The following TRAK2 variants were observed in gnomAD, a reference collection of about 807,000 sequenced individuals.
The protein encoded by TRAK2 is trafficking kinesin protein 2.
A neutral mutation model predicts 104.6 loss-of-function variants in TRAK2; 81 were observed. The observed-to-expected ratio is 0.77, with a 90% confidence interval of 0.65 to 0.93. The LOEUF is 0.93. Among genes scored for constraint, TRAK2 ranks in the 40% least tolerant of loss-of-function variants. TRAK2 has a pLI of 0.00. For synonymous variants in TRAK2, 406 were observed against 394.4 expected (o/e 1.03, Z -0.35); for missense variants, 1,002 against 1,089.0 (o/e 0.92, Z 1.12).
chr2:201,412,546 A>G (rs554118983), intron 2 of TRAK2: 9 of 1,256,614 alleles, frequency 7.2e-6, no homozygotes, highest in Admixed American at 3.4e-5. Flanking sequence ...TACAGCATAC[A>G]TAACAGTTCC....
At chr2:201,434,026 C>T (rs546285389) in intron 1 of TRAK2, among the ~76,000 whole-genome samples, 46 of 152,118 alleles carry the variant, frequency 3.0e-4, no homozygotes, top group African/African-American at 9.2e-4. Flanking sequence ...GGCGCTATCT[C>T]GGCTCACTGC....
chr2:201,449,746 A>C (rs1489708740), intron 1 of TRAK2, among the ~76,000 whole-genome samples: 3 of 151,842 alleles, frequency 2.0e-5, no homozygotes, highest in Non-Finnish European at 2.9e-5. Flanking sequence ...TCCGGGTTCA[A>C]GCAATTCTTC....
In TRAK2 at chr2:201,384,823, C is replaced by T. The variant is rs193046615; in HGVS notation, c.1964-607G>A. On this transcript the variant is annotated intron_variant, in intron 14 of 15. Coordinates refer to ENST00000332624, the MANE Select transcript of TRAK2 (RefSeq NM_015049.3). Reference sequence around the variant, plus strand: ...TATCTATTAAATTTTGGATCTTGGCCGTTGAGTCTTTTTCCTGTTCTGTGT... The same window carrying T: ...TATCTATTAAATTTTGGATCTTGGCTGTTGAGTCTTTTTCCTGTTCTGTGT... Among the ~76,000 whole-genome samples the T allele has an allele frequency of 8.8e-4, 134 of 152,210 alleles. 2 individuals carry two copies. Among genetic ancestry groups the T allele is most frequent in the African/African-American group, 3.0e-3 (125 of 41,540 alleles).
intron 2 of TRAK2, chr2:201,411,366 A>T (rs1951645380): frequency 1.4e-6 from 1 of 737,232 alleles, no homozygotes; most frequent in Admixed American, 1.8e-5. Context: ...GCCAGTCAGA[A>T]GGTCTGCTCC....
chr2:201,400,041 T>A (rs577526980), intron 4 of TRAK2, among the ~76,000 whole-genome samples: 98 of 152,164 alleles, frequency 6.4e-4, no homozygotes, highest in African/African-American at 2.2e-3. Flanking sequence ...GGTTCAAGAA[T>A]GATGATATGA....
At chr2:201,450,070 G>A (rs1458086051) in intron 1 of TRAK2, among the ~76,000 whole-genome samples, 1 of 151,982 alleles carries the variant, frequency 6.6e-6, no homozygotes, top group African/African-American at 2.4e-5. Flanking sequence ...TCTTTCACAT[G>A]GTATGTGCTT....
chr2:201,382,485 T>C (rs528994608), intron 15 of TRAK2, among the ~76,000 whole-genome samples: 120 of 138,724 alleles, frequency 8.7e-4, no homozygotes, highest in African/African-American at 2.9e-3. Flanking sequence ...GCCTCTGATA[T>C]GGAACAGTCT....
In TRAK2 at chr2:201,378,125, C is replaced by T. The variant is rs1476307772; in HGVS notation, c.*2418G>A. 1 of 152,072 alleles carries T rather than the reference C, an allele frequency of 6.6e-6. No individual in the cohort carries two copies. The highest frequency in any genetic ancestry group is 1.9e-4 in the East Asian group (1 of 5,200). The allele number at this position is 152,072 out of a possible 1,614,324, so 9.4% of individuals were successfully genotyped here. A position where few individuals can be genotyped will look rare whatever the true frequency, so the allele number is the denominator to read the frequency against. On this transcript the variant is annotated 3_prime_UTR_variant, in exon 16 of 16. Transcript: ENST00000332624. ...AAAACAGCAAAACCCAGTTTTAAGA[C>T]AGGATTCCTTTCTAGAGACATTACA...
At chr2:201,446,516 A>G (rs1291035461) in intron 1 of TRAK2, among the ~76,000 whole-genome samples, 1 of 152,232 alleles carries the variant, frequency 6.6e-6, no homozygotes, top group East Asian at 1.9e-4. Context: ...TGCCTCTTAC[A>G]GCAAACATAC....
chr2:201,439,834 A>G (rs1266390356), intron 1 of TRAK2, among the ~76,000 whole-genome samples: 1 of 146,848 alleles, frequency 6.8e-6, no homozygotes. Flanking sequence ...TATCGCAAGG[A>G]CAAAAAACCA....
At position 201,394,881 on chromosome 2, in the gene TRAK2, A is replaced by G; in HGVS notation, c.901-9T>C. On this transcript the variant is annotated splice_polypyrimidine_tract_variant and intron_variant, in intron 8 of 15. Transcript: ENST00000332624. Reference sequence around the variant, plus strand: ...TCCTTCTCAATCACATGCTAACAACATATTAAAAAAGACATGTGAAGCCTT... The same window carrying G: ...TCCTTCTCAATCACATGCTAACAACGTATTAAAAAAGACATGTGAAGCCTT... The G allele has an allele frequency of 6.2e-7, 1 of 1,611,402 alleles. No individual in the cohort carries two copies. The highest frequency in any genetic ancestry group is 8.5e-7 in the Non-Finnish European group (1 of 1,178,558).
chr2:201,420,669 C>T lies in TRAK2; in HGVS notation c.-162G>A. 1 of 599,912 alleles carries T rather than the reference C, an allele frequency of 1.7e-6. No homozygotes were observed. Among genetic ancestry groups the T allele is most frequent in the Admixed American group, 2.8e-5 (1 of 35,578 alleles). 37.2% of individuals were successfully genotyped at this position (599,912 alleles called of 1,614,324 possible). Reference sequence around the variant, plus strand: ...GTCAAATGACATCCGTAGCAACGAGCACTCTCATGTGATTATCATACTTTG... The same window carrying T: ...GTCAAATGACATCCGTAGCAACGAGTACTCTCATGTGATTATCATACTTTG... On this transcript the variant is annotated 5_prime_UTR_variant, in exon 2 of 16. Coordinates refer to ENST00000332624, the MANE Select transcript of TRAK2 (RefSeq NM_015049.3).
At chr2:201,401,860 G>A (rs923901760) in intron 3 of TRAK2, among the ~76,000 whole-genome samples, 2 of 151,996 alleles carry the variant, frequency 1.3e-5, no homozygotes, top group African/African-American at 4.8e-5. Context: ...AGTTAATAAT[G>A]CATAACAAAA....
intron 1 of TRAK2, among the ~76,000 whole-genome samples, chr2:201,429,200 C>A (rs1463325529): frequency 1.3e-5 from 2 of 152,212 alleles, no homozygotes; most frequent in Non-Finnish European, 2.9e-5. Context: ...ACTTCCAACA[C>A]TATGTTGAAT....
At chr2:201,399,307 T>TAA (rs1462273508) in intron 5 of TRAK2, 70 bp downstream of exon 5, 17 of 1,063,070 alleles carry the variant, frequency 1.6e-5, no homozygotes, top group Admixed American at 5.6e-5. Context: ...CAGGGACACC[T>TAA]AGGAAAATAA....
intron 1 of TRAK2, among the ~76,000 whole-genome samples, chr2:201,446,616 G>C (rs929571129): frequency 1.3e-5 from 2 of 152,178 alleles, no homozygotes; most frequent in African/African-American, 4.8e-5. Context: ...CAAGAACACA[G>C]ACTCTAAAGA....
rs1951423346 is a variant in TRAK2, at chr2:201,389,410, G to C, written c.1287C>G (p.Gly429=). ...TCATGATGACACTTGAACGGTTGGA[G>C]CCTGGAATGGGTAACAGAGCTGGGA... ...ISFPALLPIP[G]SNRSSVIMTA... Residue 429 remains glycine (G), a synonymous_variant, in exon 12 of 16, where the codon GGC becomes GGG. Coordinates refer to ENST00000332624, the MANE Select transcript of TRAK2 (RefSeq NM_015049.3). The C allele has an allele frequency of 6.2e-7, 1 of 1,614,026 alleles. No homozygotes were observed. The highest frequency in any genetic ancestry group is 1.7e-5 in the Admixed American group (1 of 60,006).
chr2:201,390,271 G>A (rs1462414859), intron 10 of TRAK2, among the ~76,000 whole-genome samples: 3 of 151,768 alleles, frequency 2.0e-5, no homozygotes, highest in African/African-American at 7.3e-5. Context: ...CTGGCCGGGT[G>A]CGGTGGCTCA....
chr2:201,420,168 G>C (rs907373094), intron 2 of TRAK2, among the ~76,000 whole-genome samples: 9 of 152,140 alleles, frequency 5.9e-5, no homozygotes, highest in Admixed American at 5.9e-4. Flanking sequence ...ATATGATGCA[G>C]CTACTACTCA....
Sources: gnomAD v4.1 joint callset for allele counts (sites outside exome capture counted in the v4.1 genomes callset) on GRCh38, gnomAD v4.1.1 for gene constraint, MANE v1.5 for transcripts, NCBI Gene and HGNC (gene_info 2026-07-23, HGNC 2026-07-21) for gene names.